The following DHODH variants were observed in gnomAD, a reference collection of about 807,000 sequenced individuals.
The protein encoded by DHODH is dihydroorotate dehydrogenase (quinone), mitochondrial.
In DHODH, 30 loss-of-function variants were observed where a neutral mutation model predicts 39.7. The ratio of observed to expected loss-of-function variants is 0.76; its 90% CI spans 0.57 to 1.02. The LOEUF is 1.02. Among genes scored for constraint, DHODH ranks in the 50% least tolerant of loss-of-function variants. The probability of loss-of-function intolerance (pLI) is 0.00; values close to 1 mark genes in which losing one functional copy is unlikely to be tolerated. For missense variants in DHODH, 531 were observed against 520.8 expected, an observed-to-expected ratio of 1.02 and a Z score of -0.19; for synonymous variants, 222 against 213.8, an observed-to-expected ratio of 1.04 and a Z score of -0.34.
intron 1 of DHODH, among the ~76,000 whole-genome samples, chr16:72,010,727 T>C (rs1170766507): frequency 6.6e-6 from 1 of 152,162 alleles, no homozygotes; most frequent in Non-Finnish European, 1.5e-5. Flanking sequence ...ATATGTATAA[T>C]GTCTTTGTAT....
intron 1 of DHODH, among the ~76,000 whole-genome samples, chr16:72,010,110 A>G (rs1000642562): frequency 6.6e-6 from 1 of 152,166 alleles, no homozygotes; most frequent in East Asian, 1.9e-4. Flanking sequence ...AAATCTAATC[A>G]TGTCATTTCC....
intron 4 of DHODH, among the ~76,000 whole-genome samples, chr16:72,019,879 C>T (rs186291643): frequency 1.8e-4 from 27 of 152,316 alleles, no homozygotes; most frequent in Admixed American, 8.5e-4. Context: ...TGGTGGCTCA[C>T]GCCTGTAATC....
In DHODH at chr16:72,022,463, T is replaced by C; in HGVS notation, c.807T>C (p.Ser269=). The C allele has an allele frequency of 6.4e-7, 1 of 1,553,078 alleles. No individual in the cohort carries two copies. Among genetic ancestry groups the C allele is most frequent in the African/African-American group, 1.4e-5 (1 of 73,296 alleles). The change falls in exon 6 of 9, where the codon AGT becomes AGC. Residue 269 remains serine, a synonymous_variant. Transcript: ENST00000219240. ...GCCAGGATAAGGAGGACATTGCCAGTGTGGTCAAAGAGGTTTGAGTCGGGG... is the reference window on the plus strand; with the variant it reads ...GCCAGGATAAGGAGGACATTGCCAGCGTGGTCAAAGAGGTTTGAGTCGGGG... The part of the protein sequence containing the change: ...LTSQDKEDIA[S]VVKELGIDGL...
intron 3 of DHODH, among the ~76,000 whole-genome samples, chr16:72,015,413 T>C (rs1312464310): frequency 1.3e-5 from 2 of 152,358 alleles, no homozygotes; most frequent in East Asian, 1.9e-4. Flanking sequence ...GAAATCCTTC[T>C]AGACTGTATA....
intron 1 of DHODH, among the ~76,000 whole-genome samples, chr16:72,009,509 C>CAAAA (rs56347696): frequency 2.1e-5 from 1 of 48,120 alleles, no homozygotes; most frequent in Non-Finnish European, 3.5e-5. Context: ...GACTCCGTCT[C>CAAAA]AAAAAAAAAA....
chr16:72,015,926 G>T, intron 3 of DHODH: 1 of 966,126 alleles, frequency 1.0e-6, no homozygotes, highest in Non-Finnish European at 1.2e-6. Flanking sequence ...GTGCCAGTGT[G>T]TCTGTTATTA....
Position 72,021,145 on chromosome 16 carries a change from A to T in DHODH, c.539A>T (p.Asn180Ile). ...GCAGATGGACTGCCTCTGGGGGTCAACTTGGGGAAGAACAAGACCTCAGTG... is the reference window on the plus strand; with the variant it reads ...GCAGATGGACTGCCTCTGGGGGTCATCTTGGGGAAGAACAAGACCTCAGTG... The part of the protein sequence containing the change: ...LTEDGLPLGV[N>I]LGKNKTSVDA... The change falls in exon 5 of 9, where the codon AAC (asparagine) becomes ATC (isoleucine). Residue 180 changes from asparagine (N) to isoleucine (I), a missense_variant. Physicochemically the swap from Asn to Ile is moderately radical, Grantham distance 149. Transcript: ENST00000219240. 1 of 1,608,588 alleles carries T rather than the reference A, an allele frequency of 6.2e-7. No individual in the cohort carries two copies.
Position 72,012,142 on chromosome 16 carries a change from T to G in DHODH, c.114T>G (p.Ala38=). Residue 38 remains alanine, a synonymous_variant, in exon 2 of 9, where the codon GCT becomes GCG. Transcript: ENST00000219240. ...LMATGDERFY[A]EHLMPTLQGL... ...CCACGGGAGATGAGCGTTTCTATGCTGAACACCTGATGCCGACTCTGCAGG... is the reference window on the plus strand; with the variant it reads ...CCACGGGAGATGAGCGTTTCTATGCGGAACACCTGATGCCGACTCTGCAGG... The G allele has an allele frequency of 1.2e-6, 2 of 1,614,142 alleles. No homozygotes were observed. The highest frequency in any genetic ancestry group is 1.7e-6 in the Non-Finnish European group (2 of 1,180,010).
chr16:72,017,788 T>TTTTTTTTTTTTTTA, intron 4 of DHODH, among the ~76,000 whole-genome samples: 1 of 143,652 alleles, frequency 7.0e-6, no homozygotes, highest in Non-Finnish European at 1.5e-5. Context: ...TTTTTTTTTT[T>TTTTTTTTTTTTTTA]GAGACGGAGT....
intron 4 of DHODH, chr16:72,020,353 ATGTGTATATATATATATATTTT>A (rs1274998339): frequency 7.3e-5 from 8 of 109,440 alleles, no homozygotes; most frequent in African/African-American, 2.8e-4. Flanking sequence ...ATATATATAT[ATGTGTATATATATATATATTTT>A]TTTTTTTTTT....
At position 72,017,769 on chromosome 16, in the gene DHODH, G is replaced by GTTTTTTT. The variant is rs1567571747; in HGVS notation, c.517+663_517+664insTTTTTTT. Among the ~76,000 whole-genome samples the GTTTTTTT allele has an allele frequency of 4.2e-5, 3 of 71,962 alleles. No homozygotes were observed. The South Asian group carries it at 1.6e-3, about 38-fold the overall frequency. 47.2% of individuals were successfully genotyped at this position (71,962 alleles called of 152,430 possible). ...TCTCTAAAAAAACCAAAAACAACAT[G>GTTTTTTT]CTTTTTTTTTTTTTTTTTTGAGACG... On this transcript the variant is annotated intron_variant, in intron 4 of 8. Transcript: ENST00000219240.
intron 1 of DHODH, 26 bp from the exon 2 acceptor site, chr16:72,012,023 AC>A (rs757210189): frequency 3.4e-5 from 55 of 1,607,150 alleles, no homozygotes; most frequent in Middle Eastern, 1.7e-4. Flanking sequence ...GGCCTGGGGG[AC>A]CCCCCTAATA....
Position 72,023,330 on chromosome 16 carries a change from C to A in DHODH, c.973+12C>A. The stretch of plus-strand genomic sequence containing the variant: ...TGCACTCACCCAAGGCAAGGTTTCC[C>A]GTGTTTGTGTCTTCAGATCTGCGTG... On this transcript the variant is annotated intron_variant, in intron 7 of 8. Transcript: ENST00000219240. 6.2e-7 allele frequency: 1 copy of A among 1,614,078 alleles called. No individual in the cohort carries two copies. The highest frequency in any genetic ancestry group is 1.1e-5 in the South Asian group (1 of 91,056).
chr16:72,012,223 GC>G lies in DHODH; in HGVS notation c.196del (p.Leu66SerfsTer15), dbSNP rs1193438924. ...RLAVRFTSLG[L>X]LPRARFQDSD... ...TGGCTGTTCGCTTCACCTCCCTGGG[GC>G]TCCTTCCACGGGCCAGATTTCAAGA... On this transcript the variant is annotated frameshift_variant, in exon 2 of 9. Transcript: ENST00000219240. LOFTEE classifies it high-confidence loss of function. 10 of 1,614,132 alleles carry G rather than the reference GC, an allele frequency of 6.2e-6. No individual in the cohort carries two copies. The highest frequency in any genetic ancestry group is 8.5e-6 in the Non-Finnish European group (10 of 1,180,018).
In DHODH at chr16:72,024,319, C is replaced by G. The variant is rs575217101; in HGVS notation, c.*120C>G. The G allele has an allele frequency of 1.1e-5, 12 of 1,126,866 alleles. No homozygotes were observed. The highest frequency in any genetic ancestry group is 3.7e-5 in the Admixed American group (2 of 53,540). 69.8% of individuals were successfully genotyped at this position (1,126,866 alleles called of 1,614,324 possible). On this transcript the variant is annotated 3_prime_UTR_variant, in exon 9 of 9. Coordinates refer to ENST00000219240, the MANE Select transcript of DHODH (RefSeq NM_001361.5). ...GCCATGTCCCCCAGCCATGGCATGGCTGCACTGTAAACGCCAATCGGGGGG... is the reference window on the plus strand; with the variant it reads ...GCCATGTCCCCCAGCCATGGCATGGGTGCACTGTAAACGCCAATCGGGGGG...
In DHODH at chr16:72,023,155, C is replaced by T. The variant is rs369379668; in HGVS notation, c.820-10C>T. 73 of 1,614,046 alleles carry T rather than the reference C, an allele frequency of 4.5e-5. No homozygotes were observed. Among genetic ancestry groups the T allele is most frequent in the Admixed American group, 3.0e-4 (18 of 60,010 alleles). On this transcript the variant is annotated splice_polypyrimidine_tract_variant and intron_variant, in intron 6 of 8. Transcript: ENST00000219240. ...ATGACTCATGGCTTTTTCTCTATCTCGCACTGCAGTTGGGCATCGATGGGC... is the reference window on the plus strand; with the variant it reads ...ATGACTCATGGCTTTTTCTCTATCTTGCACTGCAGTTGGGCATCGATGGGC...
chr16:72,020,371 A>ATATATATATATGTGTATATATATATATT (rs1455738856), intron 4 of DHODH: 1 of 89,114 alleles, frequency 1.1e-5, no homozygotes, highest in African/African-American at 5.2e-5. Context: ...ATATATATAT[A>ATATATATATATGTGTATATATATATATT]TTTTTTTTTT....
chr16:72,015,653 T>C (rs2041134143), intron 3 of DHODH: 1 of 977,472 alleles, frequency 1.0e-6, no homozygotes, highest in African/African-American at 1.8e-5. Context: ...GCATTAGAGA[T>C]CAAGTTATTG....
chr16:72,012,082 G>T lies in DHODH; in HGVS notation c.54G>T (p.Gly18=). Residue 18 remains glycine, a synonymous_variant, in exon 2 of 9, where the codon GGG becomes GGT. Coordinates refer to ENST00000219240, the MANE Select transcript of DHODH (RefSeq NM_001361.5). ...CCCAGGATGCTGTGATCATCCTGGG[G>T]GGAGGAGGACTTCTCTTCGCCTCCT... ...KRAQDAVIIL[G]GGGLLFASYL... is the part of the protein sequence containing the mutation. The T allele has an allele frequency of 6.2e-7, 1 of 1,614,148 alleles. No homozygotes were observed.
Sources: allele counts gnomAD v4.1 joint callset (sites outside exome capture counted in the v4.1 genomes callset), GRCh38; gene constraint gnomAD v4.1.1; transcripts MANE v1.5; gene names NCBI Gene and HGNC (gene_info 2026-07-23, HGNC 2026-07-21).